The following CADM2 variants were observed in gnomAD, a reference collection of about 807,000 sequenced individuals.
CADM2 encodes the protein immunoglobulin superfamily member 4D.
Under a neutral mutation model 49.8 loss-of-function variants are expected in CADM2, and 12 were observed. That is an observed-to-expected ratio of 0.24 (90% CI 0.15 to 0.39). The LOEUF is 0.39. CADM2 is among the 10% of genes least tolerant of loss of function. The pLI, the probability that CADM2 is intolerant of heterozygous loss-of-function variation, is 1.00. For missense variants in CADM2, 378 were observed against 492.3 expected (o/e 0.77, Z 2.20); for synonymous variants, 214 against 175.4 (o/e 1.22, Z -1.74).
At chr3:85,374,982 G>GA (rs2033500521) in intron 1 of CADM2, among the ~76,000 whole-genome samples, 1 of 150,850 alleles carries the variant, frequency 6.6e-6, no homozygotes, top group Non-Finnish European at 1.5e-5. Flanking sequence ...GGTTGCTCAG[G>GA]AAAAAAAGAA....
intron 5 of CADM2, among the ~76,000 whole-genome samples, chr3:85,898,953 ATATTTTTTTTTTT>A (rs1715685729): frequency 2.3e-5 from 1 of 42,802 alleles, no homozygotes; most frequent in Non-Finnish European, 3.9e-5. Context: ...ATATATATAT[ATATTTTTTTTTTT>A]TTTTTTTTTT....
At chr3:85,453,607 T>G (rs1395472860) in intron 1 of CADM2, among the ~76,000 whole-genome samples, 1 of 152,174 alleles carries the variant, frequency 6.6e-6, no homozygotes, top group Non-Finnish European at 1.5e-5. Flanking sequence ...GTGACATCTT[T>G]GTTTAAATAA....
At chr3:85,487,724 C>G (rs999658530) in intron 1 of CADM2, among the ~76,000 whole-genome samples, 38 of 150,930 alleles carry the variant, frequency 2.5e-4, no homozygotes, top group Admixed American at 1.3e-4. Flanking sequence ...AAATAAACCT[C>G]TGTGTGTGTG....
intron 1 of CADM2, among the ~76,000 whole-genome samples, chr3:85,572,686 T>A (rs2062514440): frequency 6.6e-6 from 1 of 152,198 alleles, no homozygotes. Flanking sequence ...CACTAGTCTT[T>A]AAGTCCTGGA....
rs2036073053 is a variant in CADM2, at chr3:85,056,196, AT to A, written c.61+96534del. On this transcript the variant is annotated intron_variant, in intron 1 of 9. Coordinates refer to ENST00000383699, the MANE Select transcript of CADM2 (RefSeq NM_001167675.2). Reference sequence around the variant, plus strand: ...CTGATGACTTCACCTTTGCAAGGTAATTTTTTAAACAGTGTCATCTGTTAAA... The same window carrying A: ...CTGATGACTTCACCTTTGCAAGGTAATTTTTAAACAGTGTCATCTGTTAAA... Among the ~76,000 whole-genome samples the A allele has an allele frequency of 3.3e-5, 5 of 151,998 alleles. No individual in the cohort carries two copies. The South Asian group carries it at 1.0e-3, about 32-fold the overall frequency.
chr3:85,296,004 G>T (rs1054707417), intron 1 of CADM2, among the ~76,000 whole-genome samples: 1 of 151,888 alleles, frequency 6.6e-6, no homozygotes, highest in Non-Finnish European at 1.5e-5. Context: ...CTTGTCAGAT[G>T]TCTCTATTTA....
At chr3:86,065,790 A>T in intron 9 of CADM2, 60 bp downstream of exon 9, 7 of 1,536,320 alleles carry the variant, frequency 4.6e-6, no homozygotes, top group Non-Finnish European at 6.2e-6. Context: ...TAACTTCATT[A>T]TAAAATATGA....
intron 1 of CADM2, among the ~76,000 whole-genome samples, chr3:85,578,742 T>G (rs1455114311): frequency 6.6e-6 from 1 of 152,226 alleles, no homozygotes; most frequent in Non-Finnish European, 1.5e-5. Context: ...TTCAATTAAA[T>G]CAGATTAGAT....
At chr3:84,964,611 G>A (rs1032405277) in intron 1 of CADM2, among the ~76,000 whole-genome samples, 1 of 152,108 alleles carries the variant, frequency 6.6e-6, no homozygotes, top group Non-Finnish European at 1.5e-5. Flanking sequence ...AACCAAGGAG[G>A]CCGACTCAAA....
intron 3 of CADM2, among the ~76,000 whole-genome samples, chr3:85,827,477 C>T (rs2108214763): frequency 6.6e-6 from 1 of 151,924 alleles, no homozygotes; most frequent in East Asian, 1.9e-4. Context: ...AATAACTTGA[C>T]AAGGAAATTA....
At chr3:85,501,905 A>G (rs899454000) in intron 1 of CADM2, among the ~76,000 whole-genome samples, 2 of 152,140 alleles carry the variant, frequency 1.3e-5, no homozygotes, top group African/African-American at 4.8e-5. Flanking sequence ...CTTGTCCTTA[A>G]GCCAAACACA....
chr3:85,142,733 A>G (rs2039615156), intron 1 of CADM2, among the ~76,000 whole-genome samples: 1 of 152,156 alleles, frequency 6.6e-6, no homozygotes, highest in African/African-American at 2.4e-5. Context: ...TTTTAACTGA[A>G]TCTCTTCATG....
At chr3:85,880,162 A>G (rs1214883737) in intron 3 of CADM2, among the ~76,000 whole-genome samples, 1 of 152,168 alleles carries the variant, frequency 6.6e-6, no homozygotes, top group African/African-American at 2.4e-5. Context: ...TGCTCTGGGT[A>G]TCGCAATTAA....
At chr3:86,013,644 G>C in intron 8 of CADM2, 2 of 1,602,572 alleles carry the variant, frequency 1.2e-6, no homozygotes, top group Non-Finnish European at 1.7e-6. Flanking sequence ...CGATGTAGTG[G>C]ACATAGCAGG....
At chr3:85,151,136 T>G (rs1367410472) in intron 1 of CADM2, among the ~76,000 whole-genome samples, 1 of 152,102 alleles carries the variant, frequency 6.6e-6, no homozygotes, top group Admixed American at 6.5e-5. Context: ...ACGCCTGGCC[T>G]GAGCCTAGTC....
At chr3:85,236,568 C>G (rs1302306204) in intron 1 of CADM2, among the ~76,000 whole-genome samples, 1 of 151,990 alleles carries the variant, frequency 6.6e-6, no homozygotes, top group African/African-American at 2.4e-5. Context: ...TACTTATTAA[C>G]TTTTGTGATG....
Position 85,427,160 on chromosome 3 carries a change from CTATATATATATATATA to C in CADM2, c.62-299336_62-299321del, listed in dbSNP as rs35485915. On this transcript the variant is annotated intron_variant, in intron 1 of 9. Coordinates refer to ENST00000383699, the MANE Select transcript of CADM2 (RefSeq NM_001167675.2). ...AACATTACTCACTGATGTATTGGAA[CTATATATATATATATA>C]TATATATATATATATATATATATAT... 8.3e-3 allele frequency among the ~76,000 whole-genome samples: 949 copies of C among 113,682 alleles called. 7 individuals are homozygous for C. The highest frequency in any genetic ancestry group is 0.017 in the African/African-American group (350 of 20,466). The allele number at this position is 113,682 out of a possible 152,430, so 74.6% of individuals were successfully genotyped here. A position where few individuals can be genotyped will look rare whatever the true frequency, so the allele number is the denominator to read the frequency against.
chr3:85,312,884 T>A (rs1404275559), intron 1 of CADM2, among the ~76,000 whole-genome samples: 1 of 152,130 alleles, frequency 6.6e-6, no homozygotes, highest in Non-Finnish European at 1.5e-5. Flanking sequence ...GTACAAAATA[T>A]TATGTATTAA....
chr3:85,981,021 C>T (rs942433755), intron 8 of CADM2, among the ~76,000 whole-genome samples: 1 of 151,310 alleles, frequency 6.6e-6, no homozygotes, highest in African/African-American at 2.4e-5. Context: ...ATACATTTCT[C>T]CCCACCCCCA....
Sources: gnomAD v4.1 joint callset for allele counts (sites outside exome capture counted in the v4.1 genomes callset) on GRCh38, gnomAD v4.1.1 for gene constraint, MANE v1.5 for transcripts, NCBI Gene and HGNC (gene_info 2026-07-23, HGNC 2026-07-21) for gene names.